SYT16: variants seen among roughly 807,000 people sequenced by gnomAD.
The protein encoded by SYT16 is synaptotagmin-16.
A neutral mutation model predicts 61.4 loss-of-function variants in SYT16; 42 were observed. That is an observed-to-expected ratio of 0.68 (90% confidence interval 0.53 to 0.89). SYT16 has a LOEUF of 0.89. Ranked by LOEUF, SYT16 falls within the 40% of genes least tolerant of loss-of-function variation. The pLI is 0.00. For missense variants in SYT16, 804 were observed against 807.3 expected (o/e 1.00, Z 0.05); for synonymous variants, 314 against 302.3 (o/e 1.04, Z -0.40).
At chr14:61,817,929 G>A (rs1406017567) in intron 1 of SYT16, among the ~76,000 whole-genome samples, 1 of 152,222 alleles carries the variant, frequency 6.6e-6, no homozygotes, top group Non-Finnish European at 1.5e-5. Flanking sequence ...CCGAAGGTTA[G>A]CATTTGGTAA....
chr14:62,088,676 T>G (rs1179087835), intron 7 of SYT16, among the ~76,000 whole-genome samples: 4 of 152,154 alleles, frequency 2.6e-5, no homozygotes, highest in Admixed American at 6.5e-5. Flanking sequence ...CATGCTGAAA[T>G]TTTTAGCATT....
rs1353498366 is a variant in SYT16 at position 62,112,476 on chromosome 14, A to G, written c.*11769A>G. 1 of 152,188 alleles carries G rather than the reference A, an allele frequency of 6.6e-6. No individual in the cohort carries two copies. The highest frequency in any genetic ancestry group is 2.4e-5 in the African/African-American group (1 of 41,458). The allele number at this position is 152,188 out of a possible 1,614,324, so 9.4% of individuals were successfully genotyped here. A position where few individuals can be genotyped will look rare whatever the true frequency, so the allele number is the denominator to read the frequency against. On this transcript the variant is annotated 3_prime_UTR_variant, in exon 8 of 8. Coordinates refer to ENST00000683842, the MANE Select transcript of SYT16 (RefSeq NM_001367656.1). ...CAACTGAATTCATGATAGTTCATGA[A>G]AACTGAAAATCATTCCAATTTTGTA... is the stretch of plus-strand genomic sequence containing the variant.
At chr14:61,876,333 C>T (rs1037061954) in intron 1 of SYT16, among the ~76,000 whole-genome samples, 2 of 152,202 alleles carry the variant, frequency 1.3e-5, no homozygotes, top group Admixed American at 6.5e-5. Flanking sequence ...CTGAAATGTG[C>T]AGTTCATTGC....
At chr14:61,926,406 C>G (rs1213752109) in intron 1 of SYT16, among the ~76,000 whole-genome samples, 1 of 152,278 alleles carries the variant, frequency 6.6e-6, no homozygotes, top group East Asian at 1.9e-4. Context: ...AGTGAGAGTT[C>G]AGTCTCTGTA....
At chr14:62,013,991 C>T (rs2053569273) in intron 3 of SYT16, among the ~76,000 whole-genome samples, 1 of 152,030 alleles carries the variant, frequency 6.6e-6, no homozygotes, top group African/African-American at 2.4e-5. Context: ...GTTGACTATT[C>T]CCCCCATGAA....
At chr14:61,834,428 C>CTTTTTTTTTTTTTTTTTTTTT (rs35260303) in intron 1 of SYT16, among the ~76,000 whole-genome samples, 1 of 76,852 alleles carries the variant, frequency 1.3e-5, no homozygotes, top group African/African-American at 6.5e-5. Context: ...CCGTGCCTGG[C>CTTTTTTTTTTTTTTTTTTTTT]TTTTTTTTTT....
At chr14:61,949,360 C>T (rs748375817) in intron 1 of SYT16, among the ~76,000 whole-genome samples, 1 of 152,210 alleles carries the variant, frequency 6.6e-6, no homozygotes, top group Admixed American at 6.5e-5. Flanking sequence ...GCCTTTCAGC[C>T]TGTGGCTGTT....
intron 3 of SYT16, among the ~76,000 whole-genome samples, chr14:62,043,255 C>G (rs767029135): frequency 6.6e-6 from 1 of 152,006 alleles, no homozygotes; most frequent in Non-Finnish European, 1.5e-5. Context: ...GTATTCTTGT[C>G]TTGAATTATC....
At chr14:61,930,830 T>C (rs1228265807) in intron 1 of SYT16, among the ~76,000 whole-genome samples, 2 of 151,946 alleles carry the variant, frequency 1.3e-5, no homozygotes, top group African/African-American at 4.8e-5. Flanking sequence ...GGTTTGAACA[T>C]AGAGAAAGGG....
At chr14:61,957,945 G>GT (rs1475880260) in intron 1 of SYT16, among the ~76,000 whole-genome samples, 2 of 151,784 alleles carry the variant, frequency 1.3e-5, no homozygotes, top group South Asian at 2.1e-4. Flanking sequence ...TTTGTTGGGA[G>GT]TTTTTTTATT....
intron 1 of SYT16, among the ~76,000 whole-genome samples, chr14:61,874,356 A>G (rs1447884716): frequency 1.3e-5 from 2 of 152,180 alleles, no homozygotes; most frequent in African/African-American, 4.8e-5. Flanking sequence ...TGAATGCCAC[A>G]TATCTGGAGG....
chr14:62,101,933 C>T lies in SYT16; in HGVS notation c.*1226C>T, dbSNP rs1317010069. ...GGATTTTACTTATGACTTAATTTTA[C>T]ATATTTATGCAGTGCATGTTTACTT... On this transcript the variant is annotated 3_prime_UTR_variant, in exon 8 of 8. Coordinates refer to ENST00000683842, the MANE Select transcript of SYT16 (RefSeq NM_001367656.1). The T allele has an allele frequency of 2.6e-5, 4 of 152,148 alleles. No homozygotes were observed. 9.4% of individuals were successfully genotyped at this position (152,148 alleles called of 1,614,324 possible). A position where few individuals can be genotyped will look rare whatever the true frequency, so the allele number is the denominator to read the frequency against.
intron 1 of SYT16, among the ~76,000 whole-genome samples, chr14:61,861,353 T>G (rs1415542877): frequency 6.6e-6 from 1 of 152,160 alleles, no homozygotes; most frequent in Non-Finnish European, 1.5e-5. Flanking sequence ...TGCACAGAAG[T>G]CTTAACTGTG....
At chr14:61,920,302 A>G (rs1231617559) in intron 1 of SYT16, among the ~76,000 whole-genome samples, 1 of 152,138 alleles carries the variant, frequency 6.6e-6, no homozygotes, top group Non-Finnish European at 1.5e-5. Context: ...TGTGCAAAAC[A>G]TGCAGGTTTG....
chr14:61,915,875 T>G (rs1305652175), intron 1 of SYT16, among the ~76,000 whole-genome samples: 5 of 152,230 alleles, frequency 3.3e-5, no homozygotes, highest in Admixed American at 3.3e-4. Flanking sequence ...CTTTCCCTGC[T>G]GACATCAGTG....
In SYT16 at chr14:62,075,343, ATTTGAAGAT is replaced by A; in HGVS notation, c.947_955del (p.Phe316_Asp318del). 6.2e-7 allele frequency: 1 copy of A among 1,613,738 alleles called. No individual in the cohort carries two copies. The highest frequency in any genetic ancestry group is 8.5e-7 in the Non-Finnish European group (1 of 1,179,804). On this transcript the variant is annotated inframe_deletion, in exon 5 of 8. Coordinates refer to ENST00000683842, the MANE Select transcript of SYT16 (RefSeq NM_001367656.1). The stretch of plus-strand genomic sequence containing the variant: ...TGGAGACAGCTTTTAATAGCCGGGG[ATTTGAAGAT>A]TCCTATGCCACTGACAGCTCCTCCA...
chr14:61,949,233 G>A (rs1244057605), intron 1 of SYT16, among the ~76,000 whole-genome samples: 1 of 152,136 alleles, frequency 6.6e-6, no homozygotes, highest in Non-Finnish European at 1.5e-5. Context: ...CATCTCCAAG[G>A]CAAGACACAA....
At chr14:61,929,119 G>A (rs756257663) in intron 1 of SYT16, among the ~76,000 whole-genome samples, 1 of 152,170 alleles carries the variant, frequency 6.6e-6, no homozygotes, top group Non-Finnish European at 1.5e-5. Flanking sequence ...GTGATCCGGG[G>A]ATTACTAGTA....
intron 6 of SYT16, among the ~76,000 whole-genome samples, chr14:62,083,848 A>G (rs1248114028): frequency 2.6e-5 from 4 of 152,176 alleles, no homozygotes; most frequent in Non-Finnish European, 5.9e-5. Context: ...ATCCAAGCAC[A>G]GATTACACAG....
Sources: gnomAD v4.1 joint callset for allele counts (sites outside exome capture counted in the v4.1 genomes callset) on GRCh38, gnomAD v4.1.1 for gene constraint, MANE v1.5 for transcripts, NCBI Gene and HGNC (gene_info 2026-07-23, HGNC 2026-07-21) for gene names.